Variants in FLNB observed in about 807,000 individuals in gnomAD.
FLNB encodes filamin B, also known as filamin-B.
Under a neutral mutation model 250.6 loss-of-function variants are expected in FLNB, and 111 were observed. That is an observed-to-expected ratio of 0.44 (90% CI 0.38 to 0.52). The LOEUF is 0.52. Ranked by LOEUF, FLNB falls within the 20% of genes least tolerant of loss-of-function variation. The pLI, the probability that FLNB is intolerant of heterozygous loss-of-function variation, is 0.00. For synonymous variants in FLNB, 1,302 were observed against 1,372.1 expected, an observed-to-expected ratio of 0.95 and a Z score of 1.13; for missense variants, 2,869 against 3,447.8, an observed-to-expected ratio of 0.83 and a Z score of 4.20.
intron 16 of FLNB, 120 bp downstream of exon 16, chr3:58,110,290 TCTCA>T (rs2097266302): frequency 9.8e-7 from 1 of 1,018,528 alleles, no homozygotes. Context: ...TGAGATGGAG[TCTCA>T]CTCTTTCACC....
At chr3:58,058,725 T>G (rs2097173888) in intron 1 of FLNB, among the ~76,000 whole-genome samples, 1 of 152,242 alleles carries the variant, frequency 6.6e-6, no homozygotes, top group African/African-American at 2.4e-5. Context: ...AATAGCGAGA[T>G]TCTCATTTCT....
Position 58,077,320 on chromosome 3 carries a change from A to G in FLNB, c.541+26A>G, listed in dbSNP as rs188221580. 5,020 of 1,612,560 alleles carry G rather than the reference A, an allele frequency of 3.1e-3. 17 individuals are homozygous for G. The highest frequency in any genetic ancestry group is 3.9e-3 in the Non-Finnish European group (4,646 of 1,179,326). On this transcript the variant is annotated intron_variant, in intron 2 of 45. Coordinates refer to ENST00000295956, the MANE Select transcript of FLNB (RefSeq NM_001457.4). ...GTAAGTGGCCAGGGCTGCCTAAACC[A>G]TCTGTCCAGGATGGGGGTGTGTGGG...
chr3:58,152,602 T>C (rs1294370163), intron 38 of FLNB: 3 of 349,128 alleles, frequency 8.6e-6, no homozygotes, highest in African/African-American at 2.1e-5. Context: ...TCCCATCACA[T>C]TGTTGGGGGT....
chr3:58,041,249 A>T (rs888252141), intron 1 of FLNB, among the ~76,000 whole-genome samples: 1 of 152,244 alleles, frequency 6.6e-6, no homozygotes. Flanking sequence ...TTATGATATT[A>T]CAATGAGCTT....
In FLNB at chr3:58,109,666, CACT is replaced by C; in HGVS notation, c.2291_2293del (p.His764_Phe765delinsLeu). 1 of 1,614,126 alleles carries C rather than the reference CACT, an allele frequency of 6.2e-7. No homozygotes were observed. The highest frequency in any genetic ancestry group is 1.6e-4 in the Middle Eastern group (1 of 6,062). ...TGGTCTGAAGGCAAATGAACCTACA[CACT>C]TCACGGTGGACTGTACTGAGGCTGG... On this transcript the variant is annotated inframe_deletion, in exon 15 of 46. Transcript: ENST00000295956.
chr3:58,148,416 T>C, intron 35 of FLNB, 52 bp downstream of exon 35: 1 of 1,580,510 alleles, frequency 6.3e-7, no homozygotes. Flanking sequence ...GGGTGGGAGA[T>C]GGGGACTCTT....
At position 58,097,809 on chromosome 3, in the gene FLNB, C is replaced by T. The variant is rs769158128; in HGVS notation, c.985-6C>T. On this transcript the variant is annotated splice_polypyrimidine_tract_variant and splice_region_variant and intron_variant, in intron 6 of 45. Coordinates refer to ENST00000295956, the MANE Select transcript of FLNB (RefSeq NM_001457.4). Reference sequence around the variant, plus strand: ...TATGTATTTCTCACCTATCTGTCACCTATAGGTCACAGTCCTCTTTGCAGG... The same window carrying T: ...TATGTATTTCTCACCTATCTGTCACTTATAGGTCACAGTCCTCTTTGCAGG... 24 of 1,613,676 alleles carry T rather than the reference C, an allele frequency of 1.5e-5. No individual in the cohort carries two copies. Among genetic ancestry groups the T allele is most frequent in the Non-Finnish European group, 1.9e-5 (23 of 1,179,762 alleles).
chr3:58,050,937 G>A (rs2097161361), intron 1 of FLNB, among the ~76,000 whole-genome samples: 1 of 152,234 alleles, frequency 6.6e-6, no homozygotes, highest in South Asian at 2.1e-4. Flanking sequence ...GGATGCTCAG[G>A]TAACTCACTC....
chr3:58,101,499 A>G (rs1024413736), intron 8 of FLNB, among the ~76,000 whole-genome samples: 6 of 152,222 alleles, frequency 3.9e-5, no homozygotes, highest in Non-Finnish European at 7.3e-5. Flanking sequence ...ATTGGAAGCT[A>G]TCTTCGCCCT....
intron 43 of FLNB, 80 bp from the exon 44 acceptor site, chr3:58,168,356 ATGTG>A: frequency 1.0e-6 from 1 of 1,000,212 alleles, no homozygotes; most frequent in Non-Finnish European, 1.6e-6. Flanking sequence ...AAGGGGATCT[ATGTG>A]TGTCCCTCAC....
Position 58,134,621 on chromosome 3 carries a change from T to C in FLNB, c.4520T>C (p.Phe1507Ser), listed in dbSNP as rs765086454. The stretch of plus-strand genomic sequence containing the variant: ...GTGTGTGTGTGTCTATCAAGTCCCT[T>C]CAAGGTCAAGGTCCTTCCCACATAT... ...YADEEIPRSP[F>S]KVKVLPTYDA... Residue 1507 changes from phenylalanine (F) to serine (S), a missense_variant, in exon 27 of 46, where the codon TTC becomes TCC. Physicochemically the swap from Phe to Ser is radical, Grantham distance 155. This residue lies in a region of FLNB where 126 missense variants were observed against 182.0 expected (regional missense o/e 0.69). Transcript: ENST00000295956. 6.8e-6 allele frequency: 11 copies of C among 1,613,994 alleles called. No individual in the cohort carries two copies. The highest frequency in any genetic ancestry group is 1.3e-5 in the African/African-American group (1 of 74,914).
chr3:58,092,937 C>T (rs2097230647), intron 4 of FLNB, among the ~76,000 whole-genome samples: 2 of 152,164 alleles, frequency 1.3e-5, no homozygotes, highest in Non-Finnish European at 2.9e-5. Context: ...AATCAATTCC[C>T]TTCAATTCTG....
At chr3:58,065,670 T>G (rs1056138336) in intron 1 of FLNB, among the ~76,000 whole-genome samples, 5 of 152,106 alleles carry the variant, frequency 3.3e-5, no homozygotes, top group African/African-American at 1.2e-4. Context: ...GAAGAGATGT[T>G]TAGGAGTCTT....
intron 1 of FLNB, among the ~76,000 whole-genome samples, chr3:58,033,116 A>G (rs2097133225): frequency 6.6e-6 from 1 of 152,226 alleles, no homozygotes; most frequent in Non-Finnish European, 1.5e-5. Context: ...ATATTGAGGT[A>G]TAATTGTTAT....
At position 58,136,695 on chromosome 3, in the gene FLNB, T is replaced by A. The variant is rs572235787; in HGVS notation, c.4861+527T>A. The stretch of plus-strand genomic sequence containing the variant: ...TTGGTTTCTTTCTTTTTTTTTCCCC[T>A]CCTTTTTCCTTCAGTTTCTAAGACA... On this transcript the variant is annotated intron_variant, in intron 28 of 45. Transcript: ENST00000295956. Among the ~76,000 whole-genome samples the A allele has an allele frequency of 2.0e-5, 3 of 150,654 alleles. No individual in the cohort carries two copies. In the East Asian group the frequency reaches 5.9e-4, roughly 30 times the overall value.
intron 18 of FLNB, among the ~76,000 whole-genome samples, chr3:58,117,080 A>G (rs2097279401): frequency 6.6e-6 from 1 of 152,148 alleles, no homozygotes; most frequent in African/African-American, 2.4e-5. Context: ...GAAGAATAAG[A>G]TTCAGGTTTC....
chr3:58,170,792 C>A lies in FLNB; in HGVS notation c.*30C>A, dbSNP rs1432495158. On this transcript the variant is annotated 3_prime_UTR_variant, in exon 46 of 46. Coordinates refer to ENST00000295956, the MANE Select transcript of FLNB (RefSeq NM_001457.4). ...GTTTTCTCAAATCCTGGAGAGAGTT[C>A]TTGTGGTTGCTTTTGTTGCTTGTTT... 2 of 1,597,710 alleles carry A rather than the reference C, an allele frequency of 1.3e-6. No homozygotes were observed. Among genetic ancestry groups the A allele is most frequent in the African/African-American group, 1.3e-5 (1 of 74,624 alleles).
intron 1 of FLNB, among the ~76,000 whole-genome samples, chr3:58,063,380 T>A (rs1424910658): frequency 6.6e-6 from 1 of 152,112 alleles, no homozygotes; most frequent in Non-Finnish European, 1.5e-5. Flanking sequence ...GAGAGCTCTG[T>A]TGGGATTGGG....
intron 22 of FLNB, among the ~76,000 whole-genome samples, chr3:58,124,967 C>G (rs545114908): frequency 6.6e-6 from 1 of 152,066 alleles, no homozygotes; most frequent in African/African-American, 2.4e-5. Context: ...TCACGGGTTT[C>G]GCTTTTTCTT....
Sources: gnomAD v4.1 joint callset for allele counts (sites outside exome capture counted in the v4.1 genomes callset) on GRCh38, gnomAD v4.1.1 for gene constraint, gnomAD v4.1.1 regional missense constraint, MANE v1.5 for transcripts, NCBI Gene and HGNC (gene_info 2026-07-23, HGNC 2026-07-21) for gene names.